The following SGCZ variants were observed in gnomAD, a reference collection of about 807,000 sequenced individuals.
SGCZ encodes sarcoglycan zeta, also known as zeta-sarcoglycan.
A neutral mutation model predicts 41.3 loss-of-function variants in SGCZ; 40 were observed. The ratio of observed to expected loss-of-function variants is 0.97; its 90% CI spans 0.75 to 1.26. The LOEUF (loss-of-function observed/expected upper bound fraction) is 1.26. Among genes scored for constraint, SGCZ ranks in the 50% most tolerant of loss-of-function variants. The pLI is 0.00. For synonymous variants in SGCZ, 206 were observed against 137.5 expected (o/e 1.50, Z -3.49); for missense variants, 552 against 369.8 (o/e 1.49, Z -4.04).
chr8:14,426,826 A>G (rs916616203), intron 2 of SGCZ, among the ~76,000 whole-genome samples: 3 of 152,202 alleles, frequency 2.0e-5, no homozygotes, highest in African/African-American at 7.2e-5. Context: ...GATTGGAAAT[A>G]TATCATGAAG....
chr8:14,452,359 CTG>C (rs1254997480), intron 2 of SGCZ, among the ~76,000 whole-genome samples: 1 of 152,040 alleles, frequency 6.6e-6, no homozygotes, highest in East Asian at 1.9e-4. Flanking sequence ...TAAAATTATT[CTG>C]TGTGATATCG....
At chr8:14,968,721 T>A (rs1185406470) in intron 1 of SGCZ, among the ~76,000 whole-genome samples, 2 of 152,118 alleles carry the variant, frequency 1.3e-5, no homozygotes, top group African/African-American at 4.8e-5. Flanking sequence ...GCTGAGTGTT[T>A]AAAGGCTAAA....
intron 1 of SGCZ, among the ~76,000 whole-genome samples, chr8:15,161,892 G>A (rs1040677811): frequency 6.6e-6 from 1 of 152,050 alleles, no homozygotes; most frequent in Non-Finnish European, 1.5e-5. Context: ...AAAATTAGCT[G>A]GGCGTGGGGG....
intron 1 of SGCZ, among the ~76,000 whole-genome samples, chr8:15,101,848 C>T (rs1011197444): frequency 6.6e-5 from 10 of 152,118 alleles, no homozygotes; most frequent in Admixed American, 3.9e-4. Flanking sequence ...TTGCTTGAAC[C>T]GGGGAGGCGG....
chr8:14,615,775 C>G (rs921372670), intron 1 of SGCZ, among the ~76,000 whole-genome samples: 2 of 152,188 alleles, frequency 1.3e-5, no homozygotes, highest in African/African-American at 4.8e-5. Context: ...AAGAAATACT[C>G]TGTACCTCGC....
intron 1 of SGCZ, among the ~76,000 whole-genome samples, chr8:14,648,885 T>C (rs748171425): frequency 2.6e-5 from 4 of 152,132 alleles, no homozygotes; most frequent in Non-Finnish European, 4.4e-5. Flanking sequence ...CTGGCATATA[T>C]TCTCAGATTA....
At chr8:14,777,100 A>G (rs1002222189) in intron 1 of SGCZ, among the ~76,000 whole-genome samples, 1 of 152,210 alleles carries the variant, frequency 6.6e-6, no homozygotes, top group Non-Finnish European at 1.5e-5. Context: ...GACTGTTATC[A>G]GATTATGTCA....
intron 1 of SGCZ, among the ~76,000 whole-genome samples, chr8:14,842,457 G>A (rs78270447): frequency 7.0e-6 from 1 of 141,856 alleles, no homozygotes; most frequent in Non-Finnish European, 1.6e-5. Flanking sequence ...CAGGAAAAGG[G>A]AAAAGGAAAG....
At chr8:14,511,565 A>G (rs762029793) in intron 2 of SGCZ, among the ~76,000 whole-genome samples, 1 of 152,072 alleles carries the variant, frequency 6.6e-6, no homozygotes, top group Non-Finnish European at 1.5e-5. Context: ...CAAAATAGAG[A>G]TCTTATAATT....
At chr8:14,164,068 C>A (rs2116983426) in intron 5 of SGCZ, among the ~76,000 whole-genome samples, 1 of 151,986 alleles carries the variant, frequency 6.6e-6, no homozygotes, top group South Asian at 2.1e-4. Context: ...TTAGTGACCC[C>A]AATATTATAA....
chr8:15,071,936 A>C (rs972028646), intron 1 of SGCZ, among the ~76,000 whole-genome samples: 1 of 152,138 alleles, frequency 6.6e-6, no homozygotes, highest in Non-Finnish European at 1.5e-5. Context: ...GAGGCAGACA[A>C]CTTCTTTCCG....
chr8:14,246,048 A>G (rs548995030), intron 3 of SGCZ, among the ~76,000 whole-genome samples: 3 of 152,318 alleles, frequency 2.0e-5, no homozygotes, highest in East Asian at 3.9e-4. Flanking sequence ...GCGATTCCTC[A>G]GGGATCTAGA....
intron 1 of SGCZ, among the ~76,000 whole-genome samples, chr8:14,598,672 T>G (rs1805492931): frequency 1.3e-5 from 2 of 151,896 alleles, no homozygotes; most frequent in Non-Finnish European, 2.9e-5. Flanking sequence ...GGACTATAGG[T>G]GGGCCATCAC....
At chr8:14,608,405 T>C (rs146879884) in intron 1 of SGCZ, among the ~76,000 whole-genome samples, 181 of 151,614 alleles carry the variant, frequency 1.2e-3, no homozygotes, top group South Asian at 1.9e-3. Context: ...GCTCAGCTTC[T>C]GGAGAGGCCA....
chr8:14,510,098 G>T (rs916415321), intron 2 of SGCZ, among the ~76,000 whole-genome samples: 4 of 151,964 alleles, frequency 2.6e-5, no homozygotes, highest in Non-Finnish European at 4.4e-5. Flanking sequence ...CAATGAAGAA[G>T]GCAGAACAAA....
chr8:15,098,441 C>G (rs369596729), intron 1 of SGCZ, among the ~76,000 whole-genome samples: 6 of 152,144 alleles, frequency 3.9e-5, no homozygotes, highest in Admixed American at 6.5e-5. Flanking sequence ...TATCACACAG[C>G]TAGAAAAGGT....
chr8:14,610,528 G>A (rs1420584925), intron 1 of SGCZ, among the ~76,000 whole-genome samples: 2 of 152,022 alleles, frequency 1.3e-5, no homozygotes, highest in Non-Finnish European at 2.9e-5. Flanking sequence ...GAGGGCTCTT[G>A]TGTCACATAA....
intron 1 of SGCZ, among the ~76,000 whole-genome samples, chr8:14,946,662 G>GTTAGAAAT (rs71209092): frequency 0.19 from 28,633 of 147,174 alleles, 3,521 homozygotes; most frequent in South Asian, 0.31. Context: ...AGAGAAGTTT[G>GTTAGAAAT]TTAGAAATCT....
At chr8:14,728,233 TA>T (rs1212824818) in intron 1 of SGCZ, among the ~76,000 whole-genome samples, 2 of 151,826 alleles carry the variant, frequency 1.3e-5, no homozygotes, top group African/African-American at 2.4e-5. Flanking sequence ...TAATTTTCTC[TA>T]AAAATAAATT....
Sources: gnomAD v4.1 joint callset for allele counts (sites outside exome capture counted in the v4.1 genomes callset) on GRCh38, gnomAD v4.1.1 for gene constraint, MANE v1.5 for transcripts, NCBI Gene and HGNC (gene_info 2026-07-23, HGNC 2026-07-21) for gene names.